Variants in ARHGAP42 observed in about 807,000 individuals in gnomAD.
The protein encoded by ARHGAP42 is rho GTPase-activating protein 42.
ARHGAP42 carries 63 observed loss-of-function variants against 125.0 expected under a neutral mutation model. The observed-to-expected ratio is 0.50, with a 90% confidence interval of 0.41 to 0.62. ARHGAP42 has a LOEUF of 0.62. Among genes scored for constraint, ARHGAP42 ranks in the 20% least tolerant of loss-of-function variants. The pLI, the probability that ARHGAP42 is intolerant of heterozygous loss-of-function variation, is 0.00. For missense variants in ARHGAP42, 766 were observed against 1,024.2 expected, an observed-to-expected ratio of 0.75 and a Z score of 3.44; for synonymous variants, 339 against 351.0, an observed-to-expected ratio of 0.97 and a Z score of 0.38.
chr11:100,972,449 C>G (rs564090686), intron 17 of ARHGAP42, among the ~76,000 whole-genome samples: 4 of 152,212 alleles, frequency 2.6e-5, no homozygotes, highest in South Asian at 4.1e-4. Flanking sequence ...AATGATGCTA[C>G]CACATCTCCT....
intron 1 of ARHGAP42, among the ~76,000 whole-genome samples, chr11:100,695,416 G>A (rs1279953382): frequency 6.6e-6 from 1 of 152,070 alleles, no homozygotes; most frequent in Non-Finnish European, 1.5e-5. Flanking sequence ...CTATTCTCCT[G>A]CCTCAGCCTC....
At chr11:100,734,280 T>A (rs905564343) in intron 1 of ARHGAP42, among the ~76,000 whole-genome samples, 17 of 151,596 alleles carry the variant, frequency 1.1e-4, no homozygotes, top group African/African-American at 2.4e-4. Context: ...ACCCCTTTTT[T>A]AAAATTTTTA....
intron 1 of ARHGAP42, among the ~76,000 whole-genome samples, chr11:100,745,725 T>C (rs1367040463): frequency 6.6e-6 from 1 of 152,206 alleles, no homozygotes; most frequent in Non-Finnish European, 1.5e-5. Context: ...ATATCGTGTC[T>C]AAGGCTATCC....
intron 4 of ARHGAP42, among the ~76,000 whole-genome samples, chr11:100,909,248 TTTTG>T (rs1866840577): frequency 6.6e-6 from 1 of 152,084 alleles, no homozygotes; most frequent in Non-Finnish European, 1.5e-5. Context: ...AAGTTCTATT[TTTTG>T]TTTGTGTTGC....
Position 100,737,399 on chromosome 11 carries a change from G to A in ARHGAP42, c.155-32944G>A, listed in dbSNP as rs572965914. 4.1e-4 allele frequency among the ~76,000 whole-genome samples: 63 copies of A among 152,288 alleles called. 2 individuals are homozygous for A. Among genetic ancestry groups the A allele is most frequent in the African/African-American group, 1.3e-3 (55 of 41,544 alleles). On this transcript the variant is annotated intron_variant, in intron 1 of 23. Coordinates refer to ENST00000298815, the MANE Select transcript of ARHGAP42 (RefSeq NM_152432.4). ...GGAGGTAGAATGAGACAATGCTAGC[G>A]TAGAATCCTGTGAGTGATTTTTATG... is the stretch of plus-strand genomic sequence containing the variant.
At chr11:100,906,300 T>G (rs1054116369) in intron 4 of ARHGAP42, among the ~76,000 whole-genome samples, 1 of 152,182 alleles carries the variant, frequency 6.6e-6, no homozygotes, top group Non-Finnish European at 1.5e-5. Flanking sequence ...ACCCTCAACC[T>G]GGATTGATAA....
At chr11:100,800,924 A>G (rs1010241027) in intron 3 of ARHGAP42, among the ~76,000 whole-genome samples, 1 of 152,226 alleles carries the variant, frequency 6.6e-6, no homozygotes, top group Non-Finnish European at 1.5e-5. Flanking sequence ...TGATGTTATT[A>G]AAACAATGAT....
Position 100,909,638 on chromosome 11 carries a change from TAGGATTTTTATAGTTTC to T in ARHGAP42, c.385-3811_385-3795del, listed in dbSNP as rs1266592238. Among the ~76,000 whole-genome samples, 4 of 152,262 alleles carry T rather than the reference TAGGATTTTTATAGTTTC, an allele frequency of 2.6e-5. No individual in the cohort carries two copies. In the East Asian group the frequency reaches 7.7e-4, roughly 29 times the overall value. ...CATGAGCCACCGGCATCCAGCCTTC[TAGGATTTTTATAGTTTC>T]AGATCTTACCTTGAAGTCTTTAACC... On this transcript the variant is annotated intron_variant, in intron 4 of 23. Coordinates refer to ENST00000298815, the MANE Select transcript of ARHGAP42 (RefSeq NM_152432.4).
In ARHGAP42 at chr11:100,744,969, C is replaced by G. The variant is rs116362350; in HGVS notation, c.155-25374C>G. On this transcript the variant is annotated intron_variant, in intron 1 of 23. Coordinates refer to ENST00000298815, the MANE Select transcript of ARHGAP42 (RefSeq NM_152432.4). ...TGGCCCCCGCTGCTGTGTCGTTCCC[C>G]TATTGGCTAAGGTTAGACTGCACAG... Among the ~76,000 whole-genome samples, 463 of 152,216 alleles carry G rather than the reference C, an allele frequency of 3.0e-3. 4 individuals are homozygous for G. The highest frequency in any genetic ancestry group is 0.011 in the African/African-American group (443 of 41,524).
chr11:100,751,014 C>T (rs1490277312), intron 1 of ARHGAP42, among the ~76,000 whole-genome samples: 2 of 149,360 alleles, frequency 1.3e-5, no homozygotes, highest in East Asian at 2.0e-4. Context: ...TCTTGGCTCA[C>T]TGCAACTTCT....
At chr11:100,934,727 G>A (rs1357088460) in intron 7 of ARHGAP42, among the ~76,000 whole-genome samples, 1 of 152,160 alleles carries the variant, frequency 6.6e-6, no homozygotes, top group Non-Finnish European at 1.5e-5. Context: ...TCTACAAAGT[G>A]TATGTTTTTC....
chr11:100,732,290 A>G (rs961886905), intron 1 of ARHGAP42, among the ~76,000 whole-genome samples: 2 of 152,168 alleles, frequency 1.3e-5, no homozygotes, highest in African/African-American at 4.8e-5. Flanking sequence ...TGTGAGCTCC[A>G]TGAAGGCAGG....
chr11:100,723,852 CT>C (rs1443151518), intron 1 of ARHGAP42, among the ~76,000 whole-genome samples: 3 of 152,054 alleles, frequency 2.0e-5, no homozygotes, highest in Non-Finnish European at 4.4e-5. Context: ...GAGAAAGCAT[CT>C]AGTTTCTCAC....
chr11:100,923,641 C>G (rs1466357628), intron 6 of ARHGAP42, among the ~76,000 whole-genome samples: 1 of 152,076 alleles, frequency 6.6e-6, no homozygotes, highest in Admixed American at 6.5e-5. Flanking sequence ...TAGAAGCCAC[C>G]TTTCAATTGA....
intron 9 of ARHGAP42, 125 bp downstream of exon 9, chr11:100,942,009 C>A: frequency 1.3e-6 from 1 of 747,566 alleles, no homozygotes; most frequent in Non-Finnish European, 2.1e-6. Context: ...AATAGAAGGT[C>A]AAAGGTTTTC....
intron 3 of ARHGAP42, among the ~76,000 whole-genome samples, chr11:100,853,527 C>G (rs1354690017): frequency 6.6e-6 from 1 of 152,070 alleles, no homozygotes; most frequent in African/African-American, 2.4e-5. Context: ...CTTTGTGGTT[C>G]AAATAACTTA....
At chr11:100,895,158 A>G (rs1228744260) in intron 4 of ARHGAP42, among the ~76,000 whole-genome samples, 1 of 152,166 alleles carries the variant, frequency 6.6e-6, no homozygotes, top group African/African-American at 2.4e-5. Context: ...GTGTAATATA[A>G]CCAGTGGTAA....
intron 2 of ARHGAP42, among the ~76,000 whole-genome samples, chr11:100,790,968 A>G (rs1378029037): frequency 6.6e-6 from 1 of 152,226 alleles, no homozygotes; most frequent in East Asian, 1.9e-4. Context: ...TGTGCATGTA[A>G]CTTCCAGATT....
rs374906088 is a variant in ARHGAP42 at position 100,787,226 on chromosome 11, C to T, written c.251-7879C>T. Among the ~76,000 whole-genome samples the T allele has an allele frequency of 1.9e-4, 29 of 151,268 alleles. 1 individual carries two copies. In the South Asian group the frequency reaches 5.2e-3, roughly 27 times the overall value. On this transcript the variant is annotated intron_variant, in intron 2 of 23. Coordinates refer to ENST00000298815, the MANE Select transcript of ARHGAP42 (RefSeq NM_152432.4). Reference sequence around the variant, plus strand: ...CTGGGAGGCAGAGCTTGCAGTGAGCCGAGATCGCACCACTGTACTCCAGCC... The same window carrying T: ...CTGGGAGGCAGAGCTTGCAGTGAGCTGAGATCGCACCACTGTACTCCAGCC...
Sources: gnomAD v4.1 joint callset for allele counts (sites outside exome capture counted in the v4.1 genomes callset) on GRCh38, gnomAD v4.1.1 for gene constraint, MANE v1.5 for transcripts, NCBI Gene and HGNC (gene_info 2026-07-23, HGNC 2026-07-21) for gene names.